The following GDPD5 variants were observed in gnomAD, a reference collection of about 807,000 sequenced individuals.
GDPD5 encodes glycerophosphodiester phosphodiesterase 2.
Under a neutral mutation model 75.1 loss-of-function variants are expected in GDPD5, and 48 were observed. That is an observed-to-expected ratio of 0.64 (90% confidence interval 0.51 to 0.81). The LOEUF (loss-of-function observed/expected upper bound fraction) is 0.81, where lower values mean the gene tolerates loss of function less well. Among genes scored for constraint, GDPD5 ranks in the 40% least tolerant of loss-of-function variants. The pLI, the probability that GDPD5 is intolerant of heterozygous loss-of-function variation, is 0.00. For synonymous variants in GDPD5, 336 were observed against 339.0 expected (o/e 0.99, Z 0.10); for missense variants, 706 against 822.6 (o/e 0.86, Z 1.73).
rs1340024589 is a variant in GDPD5, at chr11:75,441,719, C to T, written c.1252G>A (p.Val418Ile). ...FQQTSGSKEA[V>I]ASLRRGHIQR... ...ATGTGGCCTCTCCGCAGGCTGGCGA[C>T]TGCCTCCTTGGAGCCTGATGTCTGT... Residue 418 changes from valine to isoleucine, a missense_variant, in exon 13 of 17, where the codon GTC becomes ATC. Transcript: ENST00000336898. 2.5e-6 allele frequency: 4 copies of T among 1,611,450 alleles called. No individual in the cohort carries two copies. Among genetic ancestry groups the T allele is most frequent in the African/African-American group, 1.3e-5 (1 of 75,030 alleles).
rs1185678504 is a variant in GDPD5, at chr11:75,509,614, AG to A, written c.-145+15595del. On this transcript the variant is annotated intron_variant, in intron 1 of 16. Transcript: ENST00000336898. ...CTTTATCTCGTTGAACCTTCATAAA[AG>A]TCCAGTGTGGAAGTTACTATTAACA... 1.6e-4 allele frequency among the ~76,000 whole-genome samples: 24 copies of A among 152,368 alleles called. No homozygotes were observed. The South Asian group carries it at 2.7e-3, about 17-fold the overall frequency.
intron 14 of GDPD5, 75 bp downstream of exon 14, chr11:75,441,088 G>A (rs916867685): frequency 6.8e-7 from 1 of 1,465,144 alleles, no homozygotes; most frequent in African/African-American, 1.4e-5. Flanking sequence ...CAAGCACAGA[G>A]CTTGCCGAGT....
In GDPD5 at chr11:75,444,456, G is replaced by C; in HGVS notation, c.754C>G (p.Leu252Val). ...TGGAGCCCGTACAGCTTCTGCTCGA[G>C]GGCCTTCCGGAAGGACATGAGCGTG... is the stretch of plus-strand genomic sequence containing the variant. ...EHTLMSFRKA[L>V]EQKLYGLQAD... Residue 252 changes from leucine to valine, a missense_variant, in exon 10 of 17, where the codon CTC becomes GTC. Leu to Val is a conservative substitution (Grantham distance 32, BLOSUM62 1). Coordinates refer to ENST00000336898, the MANE Select transcript of GDPD5 (RefSeq NM_030792.8). 2 of 1,613,846 alleles carry C rather than the reference G, an allele frequency of 1.2e-6. No individual in the cohort carries two copies. The highest frequency in any genetic ancestry group is 1.7e-6 in the Non-Finnish European group (2 of 1,179,918).
At chr11:75,435,706 A>C in intron 16 of GDPD5, 51 bp from the exon 17 acceptor site, 2 of 1,544,676 alleles carry the variant, frequency 1.3e-6, no homozygotes, top group Non-Finnish European at 8.8e-7. Context: ...GGCAGTCGTG[A>C]GGATGGGTGA....
intron 3 of GDPD5, among the ~76,000 whole-genome samples, chr11:75,472,594 C>T (rs565733669): frequency 6.6e-6 from 1 of 152,214 alleles, no homozygotes; most frequent in South Asian, 2.1e-4. Context: ...AGCACACACC[C>T]GTCCGCACAT....
chr11:75,447,196 A>C (rs1190362200), intron 9 of GDPD5, among the ~76,000 whole-genome samples: 4 of 152,182 alleles, frequency 2.6e-5, no homozygotes, highest in African/African-American at 9.7e-5. Context: ...GGATTGTTAC[A>C]AATCAAAAGG....
At chr11:75,482,179 C>T (rs974682138) in intron 2 of GDPD5, among the ~76,000 whole-genome samples, 3 of 152,158 alleles carry the variant, frequency 2.0e-5, no homozygotes, top group Non-Finnish European at 4.4e-5. Context: ...CACTTCAAAC[C>T]TGGAAAAGAG....
At chr11:75,507,100 G>T in intron 1 of GDPD5, 1 of 152,840 alleles carries the variant, frequency 6.5e-6, no homozygotes, top group Non-Finnish European at 1.5e-5. Context: ...TCTGGGCACT[G>T]CAGGACAAAC....
At chr11:75,484,480 A>G (rs1232418377) in intron 2 of GDPD5, among the ~76,000 whole-genome samples, 2 of 152,178 alleles carry the variant, frequency 1.3e-5, no homozygotes, top group African/African-American at 4.8e-5. Context: ...CTTCTGCCAA[A>G]TTAACCTGAA....
intron 1 of GDPD5, among the ~76,000 whole-genome samples, chr11:75,505,680 G>A (rs1436765528): frequency 2.0e-5 from 3 of 152,070 alleles, no homozygotes; most frequent in Admixed American, 6.5e-5. Flanking sequence ...TGCCCCAGGC[G>A]ACCTTTACTC....
intron 1 of GDPD5, among the ~76,000 whole-genome samples, chr11:75,523,127 C>G (rs187978957): frequency 1.2e-4 from 19 of 152,318 alleles, no homozygotes; most frequent in Non-Finnish European, 1.9e-4. Context: ...GGATATTTGG[C>G]CAGGCACTGC....
chr11:75,453,891 T>A (rs1346348641), intron 6 of GDPD5, among the ~76,000 whole-genome samples: 1 of 151,644 alleles, frequency 6.6e-6, no homozygotes, highest in Non-Finnish European at 1.5e-5. Flanking sequence ...AGAGAAAAAA[T>A]TAAATGTTAA....
At chr11:75,514,658 T>C (rs1950600041) in intron 1 of GDPD5, among the ~76,000 whole-genome samples, 1 of 152,228 alleles carries the variant, frequency 6.6e-6, no homozygotes, top group Admixed American at 6.5e-5. Context: ...GTTCTCTGCT[T>C]CACTCACTGC....
intron 4 of GDPD5, among the ~76,000 whole-genome samples, chr11:75,460,742 G>A (rs947781199): frequency 3.3e-5 from 5 of 152,014 alleles, no homozygotes; most frequent in African/African-American, 7.2e-5. Context: ...CATTGTGCCC[G>A]GTCCCCAGAG....
chr11:75,444,469 G>A lies in GDPD5; in HGVS notation c.741C>T (p.Ser247=), dbSNP rs1367070188. 1.2e-6 allele frequency: 2 copies of A among 1,613,828 alleles called. No homozygotes were observed. The highest frequency in any genetic ancestry group is 1.1e-5 in the South Asian group (1 of 91,082). Reference sequence around the variant, plus strand: ...GCTTCTGCTCGAGGGCCTTCCGGAAGGACATGAGCGTGTGCTCTGGAGCCA... The same window carrying A: ...GCTTCTGCTCGAGGGCCTTCCGGAAAGACATGAGCGTGTGCTCTGGAGCCA... ...PMLAPEHTLM[S]FRKALEQKLY... The change falls in exon 10 of 17, where the codon TCC becomes TCT. Residue 247 remains serine, a synonymous_variant. Coordinates refer to ENST00000336898, the MANE Select transcript of GDPD5 (RefSeq NM_030792.8).
At chr11:75,449,261 C>T (rs1035569714) in intron 8 of GDPD5, 139 bp from the exon 9 acceptor site, 6 of 1,008,136 alleles carry the variant, frequency 6.0e-6, no homozygotes, top group African/African-American at 3.3e-5. Context: ...AGATGAACCC[C>T]GCCTCTAACT....
In GDPD5 at chr11:75,457,744, T is replaced by A. The variant is rs754573147; in HGVS notation, c.264A>T (p.Val88=). ...CAGCAGCTGTGGTCACAAGGATGGG[T>A]ACGGGCCAGTCGCTCCAGTAGCCCA... The part of the protein sequence containing the change: ...NRMGYWSDWP[V]PILVTTAAAF... Residue 88 remains valine (V), a synonymous_variant, in exon 5 of 17, where the codon GTA becomes GTT. Transcript: ENST00000336898. 2 of 1,614,014 alleles carry A rather than the reference T, an allele frequency of 1.2e-6. No homozygotes were observed. The highest frequency in any genetic ancestry group is 1.7e-6 in the Non-Finnish European group (2 of 1,179,990).
rs1052840497 is a variant in GDPD5, at chr11:75,449,934, A to T, written c.425T>A (p.Val142Glu). The stretch of plus-strand genomic sequence containing the variant: ...CCACTCGTCCTCCCACAGCTGGGCC[A>T]CGGCCGACATGGCCACCACCGTGGA... The part of the protein sequence containing the change: ...LASTVVAMSA[V>E]AQLWEDEWEV... The change falls in exon 7 of 17, where the codon GTG becomes GAG. Residue 142 changes from valine (V) to glutamate (E), a missense_variant. By Grantham distance (121) the Val-to-Glu change is moderately radical (BLOSUM62 -2). Coordinates refer to ENST00000336898, the MANE Select transcript of GDPD5 (RefSeq NM_030792.8). The T allele has an allele frequency of 1.2e-6, 2 of 1,613,610 alleles. No homozygotes were observed. The highest frequency in any genetic ancestry group is 2.7e-5 in the African/African-American group (2 of 74,898).
Position 75,462,870 on chromosome 11 carries a change from A to G in GDPD5, c.137T>C (p.Leu46Pro). The G allele has an allele frequency of 6.2e-7, 1 of 1,614,014 alleles. No individual in the cohort carries two copies. Among genetic ancestry groups the G allele is most frequent in the Non-Finnish European group, 8.5e-7 (1 of 1,179,950 alleles). ...GAGGCCAAAGGTGAAGGTGAGGAGC[A>G]GGAACCAGAGGCGCTCCCACTGGAA... ...DTTPWERLWF[L>P]LLTFTFGLTL... is the part of the protein sequence containing the mutation. Residue 46 changes from leucine (L) to proline (P), a missense_variant, in exon 4 of 17, where the codon CTG (leucine) becomes CCG (proline). Physicochemically the swap from Leu to Pro is moderately conservative, Grantham distance 98 (BLOSUM62 -3). Coordinates refer to ENST00000336898, the MANE Select transcript of GDPD5 (RefSeq NM_030792.8).
Sources: allele counts gnomAD v4.1 joint callset (sites outside exome capture counted in the v4.1 genomes callset), GRCh38; gene constraint gnomAD v4.1.1; transcripts MANE v1.5; gene names NCBI Gene and HGNC (gene_info 2026-07-23, HGNC 2026-07-21).